The following PTPRT variants were observed in gnomAD, a reference collection of about 807,000 sequenced individuals.
PTPRT encodes the protein protein tyrosine phosphatase receptor type T.
PTPRT carries 56 observed loss-of-function variants against 176.8 expected under a neutral mutation model. That is an observed-to-expected ratio of 0.32 (90% CI 0.26 to 0.40). The LOEUF is 0.40. Among genes scored for constraint, PTPRT ranks in the 10% least tolerant of loss-of-function variants. The probability of loss-of-function intolerance (pLI) is 1.00; values close to 1 mark genes in which losing one functional copy is unlikely to be tolerated. For missense variants in PTPRT, 1,540 were observed against 1,908.2 expected, an observed-to-expected ratio of 0.81 and a Z score of 3.60; for synonymous variants, 783 against 739.0, an observed-to-expected ratio of 1.06 and a Z score of -0.96.
chr20:42,551,190 T>C (rs2072764176), intron 7 of PTPRT, among the ~76,000 whole-genome samples: 1 of 152,162 alleles, frequency 6.6e-6, no homozygotes, highest in South Asian at 2.1e-4. Flanking sequence ...TATGGATTTA[T>C]GCATATTAGA....
chr20:42,302,079 A>AT (rs951352930), intron 12 of PTPRT, among the ~76,000 whole-genome samples: 2 of 151,778 alleles, frequency 1.3e-5, no homozygotes, highest in Non-Finnish European at 2.9e-5. Context: ...TACATTCCTT[A>AT]TTTTTTTTGA....
intron 7 of PTPRT, among the ~76,000 whole-genome samples, chr20:42,514,081 A>T (rs1447574928): frequency 4.6e-5 from 7 of 152,190 alleles, no homozygotes; most frequent in Non-Finnish European, 4.4e-5. Flanking sequence ...TGTACAAACA[A>T]ATTTGCTAGG....
chr20:42,328,834 T>C (rs1458698326), intron 11 of PTPRT, among the ~76,000 whole-genome samples: 1 of 152,140 alleles, frequency 6.6e-6, no homozygotes, highest in East Asian at 1.9e-4. Flanking sequence ...ACAAGAGCTA[T>C]TGCAACTGTA....
intron 19 of PTPRT, 98 bp downstream of exon 19, chr20:42,128,656 T>C: frequency 9.0e-7 from 1 of 1,113,392 alleles, no homozygotes; most frequent in Non-Finnish European, 1.3e-6. Flanking sequence ...TCCAGACTGC[T>C]CTGGAAGGGC....
chr20:42,104,816 T>G (rs1203216948), intron 24 of PTPRT, 98 bp from the exon 25 acceptor site: 1 of 1,290,192 alleles, frequency 7.8e-7, no homozygotes, highest in Non-Finnish European at 1.1e-6. Context: ...AGAATAGACA[T>G]GATTTATCAA....
chr20:42,978,839 G>A (rs1008798658), intron 1 of PTPRT, among the ~76,000 whole-genome samples: 1 of 152,190 alleles, frequency 6.6e-6, no homozygotes, highest in Non-Finnish European at 1.5e-5. Flanking sequence ...AAAGGGGAAG[G>A]CATTAATAAT....
chr20:43,060,404 G>A (rs1425893046), intron 1 of PTPRT, among the ~76,000 whole-genome samples: 2 of 152,092 alleles, frequency 1.3e-5, no homozygotes, highest in Non-Finnish European at 2.9e-5. Context: ...TAAGAGCACT[G>A]ATTTATAAGA....
At chr20:42,852,344 T>A (rs2078487969) in intron 2 of PTPRT, among the ~76,000 whole-genome samples, 1 of 152,022 alleles carries the variant, frequency 6.6e-6, no homozygotes, top group Admixed American at 6.6e-5. Context: ...TGTTCCTGCA[T>A]TTTTTTTATC....
chr20:42,753,392 C>G (rs1285663962), intron 6 of PTPRT, among the ~76,000 whole-genome samples: 1 of 152,192 alleles, frequency 6.6e-6, no homozygotes, highest in Non-Finnish European at 1.5e-5. Flanking sequence ...AGGCTCCTAG[C>G]TTACCACCAT....
chr20:43,073,828 T>C (rs1389561825), intron 1 of PTPRT, among the ~76,000 whole-genome samples: 1 of 152,014 alleles, frequency 6.6e-6, no homozygotes, highest in Non-Finnish European at 1.5e-5. Flanking sequence ...TACAGCTCAC[T>C]GTAATCTTGA....
intron 28 of PTPRT, 75 bp from the exon 29 acceptor site, chr20:42,084,920 ACTGC>A: frequency 8.0e-7 from 1 of 1,248,746 alleles, no homozygotes; most frequent in East Asian, 2.8e-5. Flanking sequence ...TACCCCGGGG[ACTGC>A]AGCATCATGG....
At chr20:42,180,411 C>T (rs1313046703) in intron 16 of PTPRT, among the ~76,000 whole-genome samples, 2 of 152,288 alleles carry the variant, frequency 1.3e-5, no homozygotes, top group South Asian at 2.1e-4. Context: ...TCCTCCTCCA[C>T]TTATGACTCC....
intron 6 of PTPRT, among the ~76,000 whole-genome samples, chr20:42,735,794 T>C (rs1157593260): frequency 1.3e-5 from 2 of 151,844 alleles, no homozygotes; most frequent in Non-Finnish European, 2.9e-5. Flanking sequence ...GGGTCGCCCA[T>C]ACCCTAGCAT....
At chr20:42,183,872 A>G (rs1990620531) in intron 16 of PTPRT, among the ~76,000 whole-genome samples, 1 of 152,118 alleles carries the variant, frequency 6.6e-6, no homozygotes, top group Non-Finnish European at 1.5e-5. Context: ...GCTTTCTCAA[A>G]CACTTGCTCT....
intron 16 of PTPRT, among the ~76,000 whole-genome samples, chr20:42,192,845 T>A (rs1359253776): frequency 8.5e-5 from 13 of 152,178 alleles, no homozygotes; most frequent in African/African-American, 3.1e-4. Flanking sequence ...TGGTCTGCAG[T>A]CCCACTTTCC....
chr20:42,720,809 T>C (rs1363784712), intron 6 of PTPRT, among the ~76,000 whole-genome samples: 2 of 152,170 alleles, frequency 1.3e-5, no homozygotes, highest in Non-Finnish European at 2.9e-5. Flanking sequence ...CATAGAGGCA[T>C]AGAATAATGT....
intron 1 of PTPRT, among the ~76,000 whole-genome samples, chr20:42,916,382 G>C (rs1462250791): frequency 6.6e-6 from 1 of 152,088 alleles, no homozygotes; most frequent in Admixed American, 6.5e-5. Context: ...CATTTAGGTT[G>C]GTTCCAAGTC....
chr20:43,177,129 G>A (rs2015141509), intron 1 of PTPRT, among the ~76,000 whole-genome samples: 1 of 152,224 alleles, frequency 6.6e-6, no homozygotes, highest in African/African-American at 2.4e-5. Context: ...GGACAGACAT[G>A]AAGAGCCCAC....
chr20:42,369,508 G>C (rs1037458468), intron 9 of PTPRT, among the ~76,000 whole-genome samples: 1 of 152,172 alleles, frequency 6.6e-6, no homozygotes, highest in East Asian at 1.9e-4. Flanking sequence ...ATGGTGCTGT[G>C]GGAACATATT....
Sources: allele counts gnomAD v4.1 joint callset (sites outside exome capture counted in the v4.1 genomes callset), GRCh38; gene constraint gnomAD v4.1.1; transcripts MANE v1.5; gene names NCBI Gene and HGNC (gene_info 2026-07-23, HGNC 2026-07-21).